The following CHD6 variants were observed in gnomAD, a reference collection of about 807,000 sequenced individuals.
The protein encoded by CHD6 is ATP-dependent chromatin remodeler CHD6.
A neutral mutation model predicts 276.9 loss-of-function variants in CHD6; 50 were observed. The ratio of observed to expected loss-of-function variants is 0.18; its 90% confidence interval spans 0.14 to 0.23. The LOEUF (loss-of-function observed/expected upper bound fraction) is 0.23, where lower values mean the gene tolerates loss of function less well. CHD6 is among the 10% of genes least tolerant of loss of function. CHD6 has a pLI of 1.00. For synonymous variants in CHD6, 1,173 were observed against 1,229.3 expected (o/e 0.95, Z 0.96); for missense variants, 2,564 against 3,365.8 (o/e 0.76, Z 5.89).
chr20:41,582,078 G>T (rs1370907415), intron 1 of CHD6, among the ~76,000 whole-genome samples: 13 of 151,954 alleles, frequency 8.6e-5, no homozygotes. Flanking sequence ...TTGGTGGGAG[G>T]GGCAGTGTGG....
chr20:41,432,177 AAAG>A (rs2047565805), intron 27 of CHD6, among the ~76,000 whole-genome samples: 1 of 151,702 alleles, frequency 6.6e-6, no homozygotes, highest in Non-Finnish European at 1.5e-5. Context: ...AAAAAAAAAA[AAAG>A]AAGCGAGGTG....
At chr20:41,461,156 A>G (rs555262445) in intron 17 of CHD6, among the ~76,000 whole-genome samples, 1 of 152,352 alleles carries the variant, frequency 6.6e-6, no homozygotes, top group Admixed American at 6.5e-5. Flanking sequence ...TATCCAAATC[A>G]TATCTAGAAA....
intron 1 of CHD6, among the ~76,000 whole-genome samples, chr20:41,600,691 A>G (rs1489006110): frequency 3.3e-5 from 5 of 152,204 alleles, no homozygotes; most frequent in African/African-American, 9.7e-5. Flanking sequence ...ACGCCTAAAT[A>G]CTTTCTAAAT....
intron 1 of CHD6, among the ~76,000 whole-genome samples, chr20:41,601,767 G>T (rs1045188971): frequency 1.3e-5 from 2 of 152,198 alleles, no homozygotes; most frequent in Non-Finnish European, 2.9e-5. Flanking sequence ...ATTTCATGTG[G>T]TGTTAAAGGA....
In CHD6 at chr20:41,421,302, T is replaced by C; in HGVS notation, c.5333A>G (p.Lys1778Arg). Residue 1778 changes from lysine to arginine, a missense_variant, in exon 31 of 37, where the codon AAA (lysine) becomes AGA (arginine). By Grantham distance (26) the Lys-to-Arg change is conservative (BLOSUM62 2). Around this residue, in one of 7 missense-constraint regions of CHD6, gnomAD observed 1,024 missense variants for 1,047.9 expected, o/e 0.98. Transcript: ENST00000373233. ...GVAQANIKNG[K>R]HLLMSISKEG... ...CTTTGAAATAGACATCAACAAATGT[T>C]TTCCATTTTTGATGTTTGCTTGAGC... is the stretch of plus-strand genomic sequence containing the variant. The C allele has an allele frequency of 6.2e-7, 1 of 1,614,164 alleles. No individual in the cohort carries two copies. Among genetic ancestry groups the C allele is most frequent in the Non-Finnish European group, 8.5e-7 (1 of 1,180,016 alleles).
chr20:41,529,361 C>T (rs1164598691), intron 3 of CHD6, among the ~76,000 whole-genome samples: 2 of 152,096 alleles, frequency 1.3e-5, no homozygotes, highest in Non-Finnish European at 2.9e-5. Context: ...GAAAAGTAGC[C>T]TGTTTTAGAG....
chr20:41,479,829 G>A (rs1246038684), intron 16 of CHD6, among the ~76,000 whole-genome samples: 2 of 152,156 alleles, frequency 1.3e-5, no homozygotes, highest in African/African-American at 2.4e-5. Context: ...CAGCACCAAT[G>A]AAGCAGTTCA....
At chr20:41,456,063 G>A in intron 18 of CHD6, 84 bp from the exon 19 acceptor site, 1 of 1,293,784 alleles carries the variant, frequency 7.7e-7, no homozygotes. Context: ...GTGATTCAGT[G>A]CATAGTTCCT....
At chr20:41,449,742 A>C (rs1365336386) in intron 23 of CHD6, among the ~76,000 whole-genome samples, 4 of 152,216 alleles carry the variant, frequency 2.6e-5, no homozygotes, top group African/African-American at 9.7e-5. Context: ...CACTGCAAAC[A>C]TGTATAGCTT....
At chr20:41,482,646 T>C (rs572527585) in intron 16 of CHD6, 35 of 420,264 alleles carry the variant, frequency 8.3e-5, no homozygotes, top group Middle Eastern at 5.2e-4. Context: ...CTTCAGATCA[T>C]TGATGTGTCA....
chr20:41,550,423 T>C (rs372204213), intron 2 of CHD6, among the ~76,000 whole-genome samples: 9 of 152,244 alleles, frequency 5.9e-5, no homozygotes, highest in Admixed American at 2.6e-4. Context: ...ATTAACTAAT[T>C]CCCCAAACCA....
At chr20:41,559,298 C>T (rs537784108) in intron 1 of CHD6, among the ~76,000 whole-genome samples, 1 of 152,270 alleles carries the variant, frequency 6.6e-6, no homozygotes, top group Admixed American at 6.5e-5. Context: ...TAAGTTATCA[C>T]TAAATGTCTC....
At chr20:41,459,600 G>C (rs2048482059) in intron 17 of CHD6, among the ~76,000 whole-genome samples, 1 of 152,188 alleles carries the variant, frequency 6.6e-6, no homozygotes, top group Non-Finnish European at 1.5e-5. Context: ...TAGTTAATGA[G>C]ATCTGATGTG....
Position 41,534,511 on chromosome 20 carries a change from G to C in CHD6, c.34-941C>G, listed in dbSNP as rs1210560280. The stretch of plus-strand genomic sequence containing the variant: ...TCTGTTTTTCCAGTTTCTTTCCCTA[G>C]TCCAATGCTCCCAAACATAACACTG... On this transcript the variant is annotated intron_variant, in intron 2 of 36. Coordinates refer to ENST00000373233, the MANE Select transcript of CHD6 (RefSeq NM_032221.5). 2.7e-5 allele frequency among the ~76,000 whole-genome samples: 4 copies of C among 149,902 alleles called. No individual in the cohort carries two copies. In the East Asian group the frequency reaches 7.9e-4, roughly 29 times the overall value.
chr20:41,438,664 G>A (rs1436652103), intron 26 of CHD6, among the ~76,000 whole-genome samples: 7 of 152,142 alleles, frequency 4.6e-5, no homozygotes, highest in Non-Finnish European at 1.0e-4. Context: ...TGATGCTCAA[G>A]TCCTAGAGGC....
At chr20:41,511,957 T>C (rs1012824728) in intron 5 of CHD6, among the ~76,000 whole-genome samples, 16 of 141,036 alleles carry the variant, frequency 1.1e-4, no homozygotes, top group Admixed American at 1.1e-3. Context: ...CGATTTATTA[T>C]ACAAAAGACT....
chr20:41,536,411 A>T (rs1358348678), intron 2 of CHD6, among the ~76,000 whole-genome samples: 1 of 152,224 alleles, frequency 6.6e-6, no homozygotes, highest in Non-Finnish European at 1.5e-5. Context: ...ACACTTAAAG[A>T]CTTGAATCTA....
intron 1 of CHD6, chr20:41,564,031 A>G (rs753630652): frequency 1.3e-6 from 1 of 778,692 alleles, no homozygotes; most frequent in Non-Finnish European, 2.4e-6. Context: ...GGGAGTGAAG[A>G]TATCTGGGTT....
chr20:41,556,010 G>C (rs891374730), intron 1 of CHD6, among the ~76,000 whole-genome samples: 202 of 152,390 alleles, frequency 1.3e-3, no homozygotes, highest in Non-Finnish European at 2.5e-3. Context: ...GGCACCTCGG[G>C]AGGCCGAGGC....
Sources: allele counts gnomAD v4.1 joint callset (sites outside exome capture counted in the v4.1 genomes callset), GRCh38; gene constraint gnomAD v4.1.1; regional missense constraint gnomAD v4.1.1; transcripts MANE v1.5; gene names NCBI Gene and HGNC (gene_info 2026-07-23, HGNC 2026-07-21).